Variants in LHX6 observed in about 807,000 individuals in gnomAD.
LHX6 encodes the protein LIM homeobox 6, also known as LIM/homeobox protein Lhx6.
A neutral mutation model predicts 47.1 loss-of-function variants in LHX6; 15 were observed. The observed-to-expected ratio is 0.32, with a 90% CI of 0.21 to 0.49. LHX6 has a LOEUF of 0.49. LHX6 is among the 20% of genes least tolerant of loss of function. LHX6 has a pLI of 0.99. For synonymous variants in LHX6, 242 were observed against 233.5 expected, an observed-to-expected ratio of 1.04 and a Z score of -0.33; for missense variants, 404 against 539.6, an observed-to-expected ratio of 0.75 and a Z score of 2.49.
rs772203553 is a variant in LHX6, at chr9:122,214,079, G to A, written c.784-10C>T. The A allele has an allele frequency of 8.1e-6, 13 of 1,597,334 alleles. No individual in the cohort carries two copies. Among genetic ancestry groups the A allele is most frequent in the Middle Eastern group, 1.8e-4 (1 of 5,684 alleles). ...ACTGCGCCTGCATAACCTGCGGGGC[G>A]GGGAGGGCGGTGAGGCGCTCGCACG... On this transcript the variant is annotated splice_polypyrimidine_tract_variant and intron_variant, in intron 6 of 9. Transcript: ENST00000394319. The surrounding 1 kb of genome is among the most constrained non-coding windows in gnomAD (Gnocchi z 4.6).
At chr9:122,220,892 G>A (rs190825898) in intron 4 of LHX6, among the ~76,000 whole-genome samples, 13 of 152,340 alleles carry the variant, frequency 8.5e-5, no homozygotes, top group African/African-American at 3.1e-4. Flanking sequence ...TACTATGCTG[G>A]ATACCTAGTA....
intron 4 of LHX6, among the ~76,000 whole-genome samples, chr9:122,220,448 G>A (rs1194684150): frequency 1.3e-5 from 2 of 152,218 alleles, no homozygotes; most frequent in Non-Finnish European, 2.9e-5. Context: ...AGGGCGCGAG[G>A]AGGCTTATCG....
At chr9:122,224,349 G>A (rs1329176652) in intron 4 of LHX6, among the ~76,000 whole-genome samples, 1 of 152,118 alleles carries the variant, frequency 6.6e-6, no homozygotes, top group African/African-American at 2.4e-5. Flanking sequence ...TATACCAACT[G>A]GAGTCAGGCC....
chr9:122,228,628 G>A, intron 1 of LHX6, 29 bp downstream of exon 1: 1 of 1,306,416 alleles, frequency 7.7e-7, no homozygotes. Context: ...CCCGGCCCGG[G>A]CCGCTCACCC....
At chr9:122,210,076 G>C (rs559346585) in intron 8 of LHX6, among the ~76,000 whole-genome samples, 2 of 152,020 alleles carry the variant, frequency 1.3e-5, no homozygotes, top group Non-Finnish European at 2.9e-5. Flanking sequence ...GGGTTTCACC[G>C]TGTTAGCCAG....
intron 9 of LHX6, among the ~76,000 whole-genome samples, chr9:122,205,953 TGGC>T (rs758310328): frequency 6.8e-6 from 1 of 148,072 alleles, no homozygotes; most frequent in Non-Finnish European, 1.5e-5. Flanking sequence ...TTCCCCACCC[TGGC>T]CACTGCTCCA....
chr9:122,213,700 G>A lies in LHX6; in HGVS notation c.960C>T (p.Ser320=), dbSNP rs1409494130. The change falls in exon 8 of 10, where the codon TCC becomes TCT. Residue 320 remains serine (S), a synonymous_variant. Coordinates refer to ENST00000394319, the MANE Select transcript of LHX6 (RefSeq NM_014368.5). The surrounding 1 kb of genome is among the most constrained non-coding windows in gnomAD (Gnocchi z 5.5). The part of the protein sequence containing the change: ...HPVPPSGAPP[S]RLPSALSDDI... ...CGTCGGACAGGGCGGAGGGAAGGCG[G>A]GACGGGGGCGCCCCCGAGGGCGGCA... The A allele has an allele frequency of 6.2e-7, 1 of 1,612,656 alleles. No homozygotes were observed. Among genetic ancestry groups the A allele is most frequent in the East Asian group, 2.2e-5 (1 of 44,854 alleles).
At chr9:122,227,511 C>A in intron 1 of LHX6, 31 bp from the exon 2 acceptor site, 1 of 1,523,594 alleles carries the variant, frequency 6.6e-7, no homozygotes. Context: ...ACGCAGGCGG[C>A]GGCGGCTGCT....
chr9:122,210,002 A>G (rs2118836075), intron 8 of LHX6, among the ~76,000 whole-genome samples: 1 of 152,102 alleles, frequency 6.6e-6, no homozygotes, highest in South Asian at 2.1e-4. Flanking sequence ...CAGCCTCCCA[A>G]GTAGCTGGGA....
Position 122,217,386 on chromosome 9 carries a change from C to T in LHX6, c.462-98G>A. The T allele has an allele frequency of 3.1e-6, 3 of 961,068 alleles. No homozygotes were observed. Among genetic ancestry groups the T allele is most frequent in the Non-Finnish European group, 4.6e-6 (3 of 645,234 alleles). The allele number at this position is 961,068 out of a possible 1,614,324, so 59.5% of individuals were successfully genotyped here. On this transcript the variant is annotated intron_variant, in intron 4 of 9. Transcript: ENST00000394319. This position sits in a 1 kb window ranked among gnomAD's most constrained non-coding sequence, Gnocchi z 4.9. The stretch of plus-strand genomic sequence containing the variant: ...GGCCCGCCAGCCCCCAGGCTCCTGG[C>T]CTCTAAGTCTTCAACTCAGGCATTA...
At chr9:122,227,949 T>TCCGGGGGCCCCCCCCCCCCC in intron 1 of LHX6, 1 of 176,980 alleles carries the variant, frequency 5.7e-6, no homozygotes. Context: ...TTTTTCTCTC[T>TCCGGGGGCCCCCCCCCCCCC]CCACCCGCCC....
At position 122,213,792 on chromosome 9, in the gene LHX6, G is replaced by A; in HGVS notation, c.880-12C>T. On this transcript the variant is annotated splice_polypyrimidine_tract_variant and intron_variant, in intron 7 of 9. Transcript: ENST00000394319. The surrounding 1 kb of genome is among the most constrained non-coding windows in gnomAD (Gnocchi z 5.5). ...TTTTGAAACCACACCTGGAACGACA[G>A]CCTCGGCAGCCTCAGCCTCGAGGAA... The A allele has an allele frequency of 6.4e-7, 1 of 1,568,730 alleles. No homozygotes were observed. The highest frequency in any genetic ancestry group is 8.6e-7 in the Non-Finnish European group (1 of 1,157,548).
intron 4 of LHX6, among the ~76,000 whole-genome samples, chr9:122,219,041 G>C (rs1477097699): frequency 6.6e-6 from 1 of 152,198 alleles, no homozygotes; most frequent in Non-Finnish European, 1.5e-5. Context: ...CGTCCCCAGG[G>C]CGGGCACCCC....
chr9:122,226,567 G>A lies in LHX6; in HGVS notation c.340-70C>T, dbSNP rs372864705. 1 of 1,569,476 alleles carries A rather than the reference G, an allele frequency of 6.4e-7. No homozygotes were observed. The highest frequency in any genetic ancestry group is 2.3e-5 in the East Asian group (1 of 44,198). On this transcript the variant is annotated intron_variant, in intron 3 of 9. Transcript: ENST00000394319. This position sits in a 1 kb window ranked among gnomAD's most constrained non-coding sequence, Gnocchi z 6.5. ...TTCACTCCGGGCCCCAGCCTTCCCG[G>A]TCTCATTTACAGTCAGAGGCGCTGA...
chr9:122,212,057 C>CTG (rs1212657886), intron 8 of LHX6, among the ~76,000 whole-genome samples: 1 of 152,180 alleles, frequency 6.6e-6, no homozygotes, highest in Non-Finnish European at 1.5e-5. Context: ...CCTAGTTCTG[C>CTG]CAACCAAAAC....
chr9:122,224,055 T>A (rs1486195525), intron 4 of LHX6, among the ~76,000 whole-genome samples: 1 of 151,828 alleles, frequency 6.6e-6, no homozygotes, highest in Non-Finnish European at 1.5e-5. Flanking sequence ...TGAGACAGAG[T>A]CTCTCTCTGT....
chr9:122,226,663 C>T lies in LHX6; in HGVS notation c.340-166G>A, dbSNP rs1417117814. 1.6e-6 allele frequency: 2 copies of T among 1,266,202 alleles called. No individual in the cohort carries two copies. The highest frequency in any genetic ancestry group is 1.5e-5 in the African/African-American group (1 of 66,790). The allele number at this position is 1,266,202 out of a possible 1,614,324, so 78.4% of individuals were successfully genotyped here. On this transcript the variant is annotated intron_variant, in intron 3 of 9. Transcript: ENST00000394319. This position sits in a 1 kb window ranked among gnomAD's most constrained non-coding sequence, Gnocchi z 6.5. ...TGAGACTCAGGGAAATGGAAATAAA[C>T]TCTTCTTATTTTTCAGACGGAACCC...
At chr9:122,211,703 G>T (rs1032988215) in intron 8 of LHX6, among the ~76,000 whole-genome samples, 97 of 152,332 alleles carry the variant, frequency 6.4e-4, no homozygotes, top group African/African-American at 2.3e-3. Flanking sequence ...GGGCACCTCA[G>T]CCTCTTCTCT....
Position 122,226,968 on chromosome 9 carries a change from T to G in LHX6, c.219A>C (p.Pro73=). 1 of 1,550,760 alleles carries G rather than the reference T, an allele frequency of 6.4e-7. No individual in the cohort carries two copies. Among genetic ancestry groups the G allele is most frequent in the Non-Finnish European group, 8.7e-7 (1 of 1,147,412 alleles). The change falls in exon 3 of 10, where the codon CCA becomes CCC. Residue 73 remains proline (P), a synonymous_variant. Coordinates refer to ENST00000394319, the MANE Select transcript of LHX6 (RefSeq NM_014368.5). The surrounding 1 kb of genome is among the most constrained non-coding windows in gnomAD (Gnocchi z 6.5). ...AGACAGATGGCGTGCTGGGCGTACATGGGGAGGCCTGACCCTCGTCCTTGT... is the reference window on the plus strand; with the variant it reads ...AGACAGATGGCGTGCTGGGCGTACAGGGGGAGGCCTGACCCTCGTCCTTGT... ...ALDKDEGQAS[P]CTPSTPSVCS...
Sources: allele counts gnomAD v4.1 joint callset (sites outside exome capture counted in the v4.1 genomes callset), GRCh38; gene constraint gnomAD v4.1.1; non-coding constraint Gnocchi (gnomAD v3.1); transcripts MANE v1.5; gene names NCBI Gene and HGNC (gene_info 2026-07-23, HGNC 2026-07-21).